GATA6: variants seen among roughly 807,000 people sequenced by gnomAD.
GATA6 encodes GATA binding protein 6, also known as transcription factor GATA-6.
A neutral mutation model predicts 48.1 loss-of-function variants in GATA6; 11 were observed. The ratio of observed to expected loss-of-function variants is 0.23; its 90% CI spans 0.14 to 0.38. GATA6 has a LOEUF of 0.38. Among genes scored for constraint, GATA6 ranks in the 10% least tolerant of loss-of-function variants. GATA6 has a pLI of 1.00. For missense variants in GATA6, 795 were observed against 850.3 expected (o/e 0.93, Z 0.81); for synonymous variants, 419 against 396.1 (o/e 1.06, Z -0.69).
In GATA6 at chr18:22,171,669, G is replaced by A. The variant is rs759587190; in HGVS notation, c.525G>A (p.Ala175=). 6.6e-6 allele frequency: 10 copies of A among 1,511,268 alleles called. No individual in the cohort carries two copies. Among genetic ancestry groups the A allele is most frequent in the Admixed American group, 4.4e-5 (2 of 45,236 alleles). The allele number at this position is 1,511,268 out of a possible 1,614,324, so 93.6% of individuals were successfully genotyped here. A position where few individuals can be genotyped will look rare whatever the true frequency, so the allele number is the denominator to read the frequency against. The change falls in exon 2 of 7, where the codon GCG becomes GCA. Residue 175 remains alanine (A), a synonymous_variant. Coordinates refer to ENST00000269216, the MANE Select transcript of GATA6 (RefSeq NM_005257.6). The surrounding 1 kb of genome is among the most constrained non-coding windows in gnomAD (Gnocchi z 7.1). ...APGGFVHSAA[A]AAAAAAAASS... ...GCGGCTTCGTGCACTCTGCGGCCGCGGCGGCAGCAGCCGCGGCGGCGGCCA... is the reference window on the plus strand; with the variant it reads ...GCGGCTTCGTGCACTCTGCGGCCGCAGCGGCAGCAGCCGCGGCGGCGGCCA...
chr18:22,198,872 A>C (rs982411158), intron 6 of GATA6, among the ~76,000 whole-genome samples: 13 of 152,198 alleles, frequency 8.5e-5, no homozygotes, highest in African/African-American at 2.9e-4. Flanking sequence ...GATTTTTGTG[A>C]AATTTGCTTT....
chr18:22,202,220 GTAT>G lies in GATA6; in HGVS notation c.*1404_*1406del, dbSNP rs1305261275. 2.6e-5 allele frequency: 4 copies of G among 152,150 alleles called. No individual in the cohort carries two copies. The highest frequency in any genetic ancestry group is 7.2e-5 in the African/African-American group (3 of 41,420). 9.4% of individuals were successfully genotyped at this position (152,150 alleles called of 1,614,324 possible). On this transcript the variant is annotated 3_prime_UTR_variant, in exon 7 of 7. Coordinates refer to ENST00000269216, the MANE Select transcript of GATA6 (RefSeq NM_005257.6). The stretch of plus-strand genomic sequence containing the variant: ...AGTTTTTATAAGTGGGAAGGACTCA[GTAT>G]TATTATATTTGAGATGATAAGCATT...
intron 6 of GATA6, among the ~76,000 whole-genome samples, chr18:22,199,920 A>AAG (rs2033435928): frequency 5.3e-5 from 8 of 151,216 alleles, no homozygotes; most frequent in Admixed American, 3.9e-4. Flanking sequence ...AAAAAAAAAA[A>AAG]AAAGAAAGAA....
In GATA6 at chr18:22,170,045, CGAT is replaced by C. The variant is rs1472781291; in HGVS notation, c.-38+364_-38+366del. On this transcript the variant is annotated intron_variant, in intron 1 of 6. Transcript: ENST00000269216. The surrounding 1 kb of genome is among the most constrained non-coding windows in gnomAD (Gnocchi z 6.7). ...TGTGGTAATCTCCGATGAGCCGAGG[CGAT>C]TTGGAAGAGCAGCCTGGAGGAGGCC... 1.3e-5 allele frequency among the ~76,000 whole-genome samples: 2 copies of C among 152,198 alleles called. No homozygotes were observed. The highest frequency in any genetic ancestry group is 4.8e-5 in the African/African-American group (2 of 41,448).
At chr18:22,175,930 C>T (rs2033115926) in intron 2 of GATA6, among the ~76,000 whole-genome samples, 5 of 151,892 alleles carry the variant, frequency 3.3e-5, no homozygotes, top group Admixed American at 2.6e-4. Flanking sequence ...GCGGTCTATA[C>T]TTTTTTTTGG....
chr18:22,199,469 A>T (rs1158047021), intron 6 of GATA6, among the ~76,000 whole-genome samples: 1 of 152,258 alleles, frequency 6.6e-6, no homozygotes, highest in Non-Finnish European at 1.5e-5. Context: ...TCTCAAAAGC[A>T]ACTTTATTCA....
chr18:22,177,781 G>A (rs2033142163), intron 3 of GATA6, among the ~76,000 whole-genome samples: 1 of 152,022 alleles, frequency 6.6e-6, no homozygotes, highest in Non-Finnish European at 1.5e-5. Context: ...ATCCTCAGGT[G>A]TATCCCCAAA....
chr18:22,170,909 G>C lies in GATA6; in HGVS notation c.-37-199G>C. ...GCCCTTCCAGGGCCCTGTGGCGGCT[G>C]CGCAGGCTCCCTTCCCCTCCCTTAT... is the stretch of plus-strand genomic sequence containing the variant. On this transcript the variant is annotated intron_variant, in intron 1 of 6. Coordinates refer to ENST00000269216, the MANE Select transcript of GATA6 (RefSeq NM_005257.6). The surrounding 1 kb of genome is among the most constrained non-coding windows in gnomAD (Gnocchi z 6.7). The C allele has an allele frequency of 1.4e-5, 8 of 584,582 alleles. 1 individual carries two copies. In the South Asian group the frequency reaches 1.7e-4, roughly 12 times the overall value. 36.2% of individuals were successfully genotyped at this position (584,582 alleles called of 1,614,324 possible).
chr18:22,189,991 T>C lies in GATA6; in HGVS notation c.1620+6948T>C, dbSNP rs558153931. On this transcript the variant is annotated intron_variant, in intron 6 of 6. Transcript: ENST00000269216. ...CCGCAGGTCTGGCTGATGCGGTCAGTGTTGTTGCCACTACAGCGTGTTAGA... is the reference window on the plus strand; with the variant it reads ...CCGCAGGTCTGGCTGATGCGGTCAGCGTTGTTGCCACTACAGCGTGTTAGA... 3.9e-5 allele frequency among the ~76,000 whole-genome samples: 6 copies of C among 152,322 alleles called. No homozygotes were observed. The South Asian group carries it at 1.2e-3, about 32-fold the overall frequency.
At position 22,172,254 on chromosome 18, in the gene GATA6, C is replaced by T. The variant is rs1265638775; in HGVS notation, c.1110C>T (p.Leu370=). The change falls in exon 2 of 7, where the codon CTC becomes CTT. Residue 370 remains leucine (L), a synonymous_variant. Coordinates refer to ENST00000269216, the MANE Select transcript of GATA6 (RefSeq NM_005257.6). The surrounding 1 kb of genome is among the most constrained non-coding windows in gnomAD (Gnocchi z 5.2). ...HSLQSRAGAP[L]PVPRGPSADL... Reference sequence around the variant, plus strand: ...TGCAGAGCCGCGCCGGAGCCCCGCTCCCGGTGCCCCGGGGTCCCAGTGCAG... The same window carrying T: ...TGCAGAGCCGCGCCGGAGCCCCGCTTCCGGTGCCCCGGGGTCCCAGTGCAG... 2.0e-6 allele frequency: 3 copies of T among 1,533,394 alleles called. No individual in the cohort carries two copies. The highest frequency in any genetic ancestry group is 2.0e-5 in the Admixed American group (1 of 50,938). 95.0% of individuals were successfully genotyped at this position (1,533,394 alleles called of 1,614,324 possible).
At chr18:22,190,480 G>C (rs1375389412) in intron 6 of GATA6, among the ~76,000 whole-genome samples, 1 of 151,888 alleles carries the variant, frequency 6.6e-6, no homozygotes, top group Non-Finnish European at 1.5e-5. Flanking sequence ...TACTGAAAAA[G>C]CATTTCTTAA....
chr18:22,170,264 G>A lies in GATA6; in HGVS notation c.-38+582G>A, dbSNP rs566027356. On this transcript the variant is annotated intron_variant, in intron 1 of 6. Coordinates refer to ENST00000269216, the MANE Select transcript of GATA6 (RefSeq NM_005257.6). The surrounding 1 kb of genome is among the most constrained non-coding windows in gnomAD (Gnocchi z 6.7). ...ACGTCCGATTCCGGAACGGTCCGGC[G>A]TTTCTGCTGCTGGAGATGACCGCGG... Among the ~76,000 whole-genome samples, 58 of 152,312 alleles carry A rather than the reference G, an allele frequency of 3.8e-4. No individual in the cohort carries two copies. Among genetic ancestry groups the A allele is most frequent in the African/African-American group, 1.3e-3 (56 of 41,572 alleles).
intron 6 of GATA6, among the ~76,000 whole-genome samples, chr18:22,184,385 A>C (rs2033237184): frequency 6.6e-6 from 1 of 151,980 alleles, no homozygotes. Context: ...AGGCTTTATA[A>C]AGGTGGACTC....
intron 6 of GATA6, among the ~76,000 whole-genome samples, chr18:22,199,601 G>A (rs1173514395): frequency 6.6e-6 from 1 of 152,128 alleles, no homozygotes; most frequent in African/African-American, 2.4e-5. Flanking sequence ...AGGTGAACTT[G>A]TGCTTCAAGA....
chr18:22,183,029 C>G lies in GATA6; in HGVS notation c.1606C>G (p.Pro536Ala). The G allele has an allele frequency of 6.2e-7, 1 of 1,612,496 alleles. No homozygotes were observed. Among genetic ancestry groups the G allele is most frequent in the Non-Finnish European group, 8.5e-7 (1 of 1,178,506 alleles). The change falls in exon 6 of 7, where the codon CCT becomes GCT. Residue 536 changes from proline (P) to alanine (A), a missense_variant. Coordinates refer to ENST00000269216, the MANE Select transcript of GATA6 (RefSeq NM_005257.6). The part of the protein sequence containing the change: ...CSKNTSPTTQ[P>A]TASGAGAPVM... Reference sequence around the variant, plus strand: ...CAAAAATACTTCCCCCACAACACAACCTACAGCCTCAGGGGTAAGTATTAA... The same window carrying G: ...CAAAAATACTTCCCCCACAACACAAGCTACAGCCTCAGGGGTAAGTATTAA...
chr18:22,192,091 G>A (rs2033333752), intron 6 of GATA6, among the ~76,000 whole-genome samples: 1 of 152,220 alleles, frequency 6.6e-6, no homozygotes, highest in South Asian at 2.1e-4. Context: ...ATGGTCAAAA[G>A]TTTATTCTGG....
intron 3 of GATA6, among the ~76,000 whole-genome samples, chr18:22,180,648 G>A (rs751602053): frequency 1.9e-4 from 29 of 151,736 alleles, no homozygotes; most frequent in Non-Finnish European, 3.4e-4. Context: ...AATCATGATG[G>A]TAATTATGGA....
chr18:22,171,126 G>T lies in GATA6; in HGVS notation c.-19G>T, dbSNP rs1389006061. The T allele has an allele frequency of 6.3e-7, 1 of 1,598,404 alleles. No individual in the cohort carries two copies. Among genetic ancestry groups the T allele is most frequent in the Admixed American group, 1.7e-5 (1 of 59,902 alleles). Reference sequence around the variant, plus strand: ...ACCTCAGGAGCTAGACGTCAGCTTGGAGCGGCGCCGGACCGTGGATGGCCT... The same window carrying T: ...ACCTCAGGAGCTAGACGTCAGCTTGTAGCGGCGCCGGACCGTGGATGGCCT... On this transcript the variant is annotated 5_prime_UTR_variant, in exon 2 of 7. Coordinates refer to ENST00000269216, the MANE Select transcript of GATA6 (RefSeq NM_005257.6). The surrounding 1 kb of genome is among the most constrained non-coding windows in gnomAD (Gnocchi z 7.1).
chr18:22,188,537 G>T (rs1389905860), intron 6 of GATA6, among the ~76,000 whole-genome samples: 1 of 152,132 alleles, frequency 6.6e-6, no homozygotes, highest in Non-Finnish European at 1.5e-5. Context: ...GAAGCCAAAG[G>T]CAGGAAGTGA....
Sources: gnomAD v4.1 joint callset for allele counts (sites outside exome capture counted in the v4.1 genomes callset) on GRCh38, gnomAD v4.1.1 for gene constraint, Gnocchi (gnomAD v3.1) non-coding constraint, MANE v1.5 for transcripts, NCBI Gene and HGNC (gene_info 2026-07-23, HGNC 2026-07-21) for gene names.